RORA: variants seen among roughly 807,000 people sequenced by gnomAD.
The protein encoded by RORA is nuclear receptor ROR-alpha.
Under a neutral mutation model 69.5 loss-of-function variants are expected in RORA, and 7 were observed. That is an observed-to-expected ratio of 0.10 (90% CI 0.06 to 0.19). The LOEUF is 0.19. Ranked by LOEUF, RORA falls within the 10% of genes least tolerant of loss-of-function variation. The probability of loss-of-function intolerance (pLI) is 1.00; values close to 1 mark genes in which losing one functional copy is unlikely to be tolerated. For missense variants in RORA, 457 were observed against 663.0 expected, an observed-to-expected ratio of 0.69 and a Z score of 3.41; for synonymous variants, 261 against 240.8, an observed-to-expected ratio of 1.08 and a Z score of -0.78.
intron 1 of RORA, among the ~76,000 whole-genome samples, chr15:60,818,400 C>A (rs1378421316): frequency 5.9e-5 from 9 of 152,084 alleles, no homozygotes; most frequent in African/African-American, 2.2e-4. Flanking sequence ...ATTCCTCATA[C>A]CTTATTAGAC....
intron 1 of RORA, among the ~76,000 whole-genome samples, chr15:60,891,962 G>A (rs527702780): frequency 6.6e-6 from 1 of 152,240 alleles, no homozygotes; most frequent in East Asian, 1.9e-4. Context: ...CAATTTCCAA[G>A]CTTCCTCCAG....
At chr15:61,035,339 T>C (rs979655764) in intron 1 of RORA, among the ~76,000 whole-genome samples, 1 of 152,150 alleles carries the variant, frequency 6.6e-6, no homozygotes, top group Non-Finnish European at 1.5e-5. Context: ...TTTCAAAACA[T>C]ACCAGATAAA....
chr15:61,058,860 A>T (rs2078132100), intron 1 of RORA, among the ~76,000 whole-genome samples: 1 of 152,200 alleles, frequency 6.6e-6, no homozygotes, highest in Non-Finnish European at 1.5e-5. Flanking sequence ...CCCAACGCCT[A>T]ACACAAAAGG....
chr15:60,763,003 A>C (rs1408611498), intron 1 of RORA, among the ~76,000 whole-genome samples: 1 of 151,630 alleles, frequency 6.6e-6, no homozygotes, highest in South Asian at 2.1e-4. Context: ...GTTTTCAGGG[A>C]AAAAATAACA....
Position 60,908,338 on chromosome 15 carries a change from A to G in RORA, c.167-229652T>C, listed in dbSNP as rs1049044008. Among the ~76,000 whole-genome samples, 4 of 152,192 alleles carry G rather than the reference A, an allele frequency of 2.6e-5. No individual in the cohort carries two copies. In the East Asian group the frequency reaches 5.8e-4, roughly 22 times the overall value. On this transcript the variant is annotated intron_variant, in intron 1 of 10. Coordinates refer to ENST00000335670, the MANE Select transcript of RORA (RefSeq NM_134261.3). ...CTTGATTCTGAATGAACTGAGAGAA[A>G]CAAAAAATACTAATCAAAATGGAAT... is the stretch of plus-strand genomic sequence containing the variant.
intron 1 of RORA, among the ~76,000 whole-genome samples, chr15:61,010,383 G>T (rs1895047713): frequency 6.6e-6 from 1 of 152,128 alleles, no homozygotes; most frequent in Admixed American, 6.5e-5. Context: ...CCATATCTAA[G>T]ACGGTCCATA....
intron 1 of RORA, among the ~76,000 whole-genome samples, chr15:61,008,191 T>TTC (rs546893051): frequency 0.019 from 2,576 of 135,144 alleles, 97 homozygotes; most frequent in African/African-American, 0.071. Flanking sequence ...AATTTCAAAA[T>TTC]TCTCTCTCTC....
chr15:61,057,679 C>T (rs766524853), intron 1 of RORA, among the ~76,000 whole-genome samples: 1 of 152,154 alleles, frequency 6.6e-6, no homozygotes, highest in East Asian at 1.9e-4. Flanking sequence ...TTCGTTTCTC[C>T]TCAACACAGG....
At chr15:60,911,764 A>T (rs967572217) in intron 1 of RORA, among the ~76,000 whole-genome samples, 1 of 149,608 alleles carries the variant, frequency 6.7e-6, no homozygotes, top group African/African-American at 2.5e-5. Context: ...CAATGGTGCA[A>T]TTTCGGTTCA....
At chr15:60,808,912 A>G (rs551606447) in intron 1 of RORA, among the ~76,000 whole-genome samples, 1 of 152,278 alleles carries the variant, frequency 6.6e-6, no homozygotes, top group African/African-American at 2.4e-5. Context: ...TAAGTGAAGT[A>G]ACTCAGGAAT....
intron 1 of RORA, among the ~76,000 whole-genome samples, chr15:60,918,432 G>A (rs1235816156): frequency 3.3e-5 from 5 of 152,152 alleles, no homozygotes; most frequent in East Asian, 1.9e-4. Context: ...GAGCAGGTAC[G>A]TATTTATTTA....
At position 60,551,285 on chromosome 15, in the gene RORA, C is replaced by A. The variant is rs2067220847; in HGVS notation, c.197-19434G>T. On this transcript the variant is annotated intron_variant, in intron 2 of 10. Transcript: ENST00000335670. Reference sequence around the variant, plus strand: ...TGTATACTGCAAAATAGCTTTACCACTCTGACCTCAATATGGAGTAAAATG... The same window carrying A: ...TGTATACTGCAAAATAGCTTTACCAATCTGACCTCAATATGGAGTAAAATG... Among the ~76,000 whole-genome samples the A allele has an allele frequency of 2.0e-5, 3 of 151,926 alleles. No homozygotes were observed. The South Asian group carries it at 6.2e-4, about 32-fold the overall frequency.
chr15:60,915,007 C>G (rs1341702193), intron 1 of RORA, among the ~76,000 whole-genome samples: 3 of 152,174 alleles, frequency 2.0e-5, no homozygotes, highest in Non-Finnish European at 4.4e-5. Flanking sequence ...GGTGATCATG[C>G]CTTTCCGAAT....
At chr15:60,877,570 T>G (rs2073632189) in intron 1 of RORA, among the ~76,000 whole-genome samples, 1 of 151,924 alleles carries the variant, frequency 6.6e-6, no homozygotes, top group African/African-American at 2.4e-5. Flanking sequence ...AAAATCCAGG[T>G]AGATGTTATC....
chr15:60,630,882 G>T (rs2069720212), intron 2 of RORA, among the ~76,000 whole-genome samples: 1 of 83,918 alleles, frequency 1.2e-5, no homozygotes, highest in Non-Finnish European at 2.3e-5. Flanking sequence ...GCCAGGATGA[G>T]ACTTTCTTTT....
At chr15:60,506,420 C>A (rs1349306607) in intron 5 of RORA, among the ~76,000 whole-genome samples, 1 of 152,020 alleles carries the variant, frequency 6.6e-6, no homozygotes, top group Non-Finnish European at 1.5e-5. Context: ...GACCTAGAGG[C>A]CAAAGAAGTT....
At chr15:61,216,408 G>C (rs1325552226) in intron 1 of RORA, among the ~76,000 whole-genome samples, 1 of 152,166 alleles carries the variant, frequency 6.6e-6, no homozygotes, top group African/African-American at 2.4e-5. Context: ...TACATTACAA[G>C]TGAAAGACTC....
chr15:60,757,765 C>A (rs2071823846), intron 1 of RORA, among the ~76,000 whole-genome samples: 1 of 152,124 alleles, frequency 6.6e-6, no homozygotes, highest in Non-Finnish European at 1.5e-5. Flanking sequence ...CTTTCAGCCT[C>A]CCTTGCTGGT....
At position 60,492,341 on chromosome 15, in the gene RORA, C is replaced by G. The variant is rs865871324; in HGVS notation, c.*5114G>C. On this transcript the variant is annotated 3_prime_UTR_variant, in exon 11 of 11. Coordinates refer to ENST00000335670, the MANE Select transcript of RORA (RefSeq NM_134261.3). The stretch of plus-strand genomic sequence containing the variant: ...TAACATGTAACACTAAATGTTGGCT[C>G]GAGTTGCTGCTGTCATACAGGCAGG... 7 of 152,200 alleles carry G rather than the reference C, an allele frequency of 4.6e-5. No individual in the cohort carries two copies. The highest frequency in any genetic ancestry group is 1.0e-4 in the Non-Finnish European group (7 of 67,978). 9.4% of individuals were successfully genotyped at this position (152,200 alleles called of 1,614,324 possible). A position where few individuals can be genotyped will look rare whatever the true frequency, so the allele number is the denominator to read the frequency against.
Sources: allele counts gnomAD v4.1 joint callset (sites outside exome capture counted in the v4.1 genomes callset), GRCh38; gene constraint gnomAD v4.1.1; transcripts MANE v1.5; gene names NCBI Gene and HGNC (gene_info 2026-07-23, HGNC 2026-07-21).